EXT1: variants seen among roughly 807,000 people sequenced by gnomAD.
The protein encoded by EXT1 is exostosin glycosyltransferase 1, also known as exostosin-1.
In EXT1, 20 loss-of-function variants were observed where a neutral mutation model predicts 82.5. That is an observed-to-expected ratio of 0.24 (90% CI 0.17 to 0.35). The LOEUF is 0.35. Ranked by LOEUF, EXT1 falls within the 10% of genes least tolerant of loss-of-function variation. The pLI, the probability that EXT1 is intolerant of heterozygous loss-of-function variation, is 1.00. For synonymous variants in EXT1, 348 were observed against 350.8 expected (o/e 0.99, Z 0.09); for missense variants, 757 against 936.5 (o/e 0.81, Z 2.50).
chr8:117,886,106 T>C (rs905180312), intron 1 of EXT1, among the ~76,000 whole-genome samples: 2 of 152,184 alleles, frequency 1.3e-5, no homozygotes, highest in Non-Finnish European at 2.9e-5. Context: ...ATGAGATGAA[T>C]ATATTTACTA....
intron 1 of EXT1, among the ~76,000 whole-genome samples, chr8:117,917,967 A>G (rs1813785973): frequency 6.6e-6 from 1 of 152,168 alleles, no homozygotes; most frequent in Admixed American, 6.5e-5. Flanking sequence ...GCACACTGTT[A>G]GGCACCTGAC....
chr8:117,944,602 C>G (rs902533123), intron 1 of EXT1, among the ~76,000 whole-genome samples: 9 of 152,150 alleles, frequency 5.9e-5, no homozygotes, highest in African/African-American at 2.2e-4. Flanking sequence ...GCACAGAAGA[C>G]TATGTAGGCA....
At chr8:117,984,121 T>A (rs1198675086) in intron 1 of EXT1, among the ~76,000 whole-genome samples, 1 of 152,200 alleles carries the variant, frequency 6.6e-6, no homozygotes, top group Non-Finnish European at 1.5e-5. Flanking sequence ...CAATGTGGGC[T>A]AGAGATGTGG....
At chr8:117,854,596 GT>G (rs1210513279) in intron 1 of EXT1, among the ~76,000 whole-genome samples, 1 of 152,162 alleles carries the variant, frequency 6.6e-6, no homozygotes, top group Non-Finnish European at 1.5e-5. Flanking sequence ...TATAAAACAT[GT>G]TTATAAAATA....
intron 1 of EXT1, among the ~76,000 whole-genome samples, chr8:117,867,865 C>T (rs1812801471): frequency 6.6e-6 from 1 of 152,144 alleles, no homozygotes; most frequent in African/African-American, 2.4e-5. Context: ...ATGACTGCCT[C>T]ATCTATAAGT....
At chr8:117,964,416 G>T (rs767780305) in intron 1 of EXT1, among the ~76,000 whole-genome samples, 107 of 152,218 alleles carry the variant, frequency 7.0e-4, no homozygotes, top group Non-Finnish European at 7.9e-4. Context: ...CAGTGAAGGA[G>T]TGGGGAGTGA....
chr8:118,103,112 T>C (rs980741841), intron 1 of EXT1, among the ~76,000 whole-genome samples: 3 of 152,088 alleles, frequency 2.0e-5, no homozygotes, highest in African/African-American at 7.2e-5. Flanking sequence ...GAGATCGCCC[T>C]ATTGCACTCC....
intron 1 of EXT1, among the ~76,000 whole-genome samples, chr8:117,933,393 A>C (rs925697759): frequency 6.6e-6 from 1 of 151,974 alleles, no homozygotes; most frequent in Non-Finnish European, 1.5e-5. Context: ...TTACAGGCGC[A>C]CACCATCACG....
At chr8:118,108,681 T>G (rs1817839328) in intron 1 of EXT1, among the ~76,000 whole-genome samples, 1 of 152,196 alleles carries the variant, frequency 6.6e-6, no homozygotes, top group African/African-American at 2.4e-5. Flanking sequence ...TGATACTTTC[T>G]CCTTCACTCT....
intron 1 of EXT1, among the ~76,000 whole-genome samples, chr8:117,941,464 T>C (rs1433947016): frequency 2.0e-5 from 3 of 152,164 alleles, no homozygotes. Context: ...TAAGGCTGGA[T>C]CTAGGGTAGT....
chr8:117,921,369 C>T (rs771972604), intron 1 of EXT1, among the ~76,000 whole-genome samples: 5 of 152,192 alleles, frequency 3.3e-5, no homozygotes, highest in East Asian at 1.9e-4. Flanking sequence ...AATCCTGTCA[C>T]TCATCAAAGA....
At chr8:117,823,893 T>C (rs1449476395) in intron 4 of EXT1, among the ~76,000 whole-genome samples, 1 of 152,160 alleles carries the variant, frequency 6.6e-6, no homozygotes, top group Non-Finnish European at 1.5e-5. Flanking sequence ...CTAGTGAAAA[T>C]ATTTATTTTT....
intron 1 of EXT1, among the ~76,000 whole-genome samples, chr8:118,102,747 CTT>C (rs1817741898): frequency 6.6e-6 from 1 of 152,174 alleles, no homozygotes; most frequent in Non-Finnish European, 1.5e-5. Context: ...GTGGCTAACA[CTT>C]ATAATAGAAT....
At chr8:118,032,508 CTT>C (rs1207517029) in intron 1 of EXT1, among the ~76,000 whole-genome samples, 34 of 133,068 alleles carry the variant, frequency 2.6e-4, no homozygotes, top group Admixed American at 4.6e-4. Context: ...AGGGTAACAA[CTT>C]TTTTTTTTTT....
chr8:118,015,061 C>T (rs539759915), intron 1 of EXT1, among the ~76,000 whole-genome samples: 1 of 152,312 alleles, frequency 6.6e-6, no homozygotes, highest in South Asian at 2.1e-4. Flanking sequence ...TTTTACATAA[C>T]TCTTGAAGTT....
intron 1 of EXT1, among the ~76,000 whole-genome samples, chr8:117,906,893 T>C (rs1813553300): frequency 6.6e-6 from 1 of 152,138 alleles, no homozygotes; most frequent in Non-Finnish European, 1.5e-5. Context: ...CCATCCAATA[T>C]TGCTTGACTA....
intron 1 of EXT1, among the ~76,000 whole-genome samples, chr8:118,089,553 G>T (rs1817485751): frequency 6.6e-6 from 1 of 152,156 alleles, no homozygotes; most frequent in African/African-American, 2.4e-5. Flanking sequence ...TATTCAAGGT[G>T]GTTATGGGAA....
At chr8:117,962,078 T>C (rs1182004259) in intron 1 of EXT1, among the ~76,000 whole-genome samples, 1 of 152,104 alleles carries the variant, frequency 6.6e-6, no homozygotes, top group African/African-American at 2.4e-5. Context: ...GATTTGTGCA[T>C]TTAAACAATG....
At chr8:117,931,173 A>G (rs149859766) in intron 1 of EXT1, among the ~76,000 whole-genome samples, 209 of 152,300 alleles carry the variant, frequency 1.4e-3, no homozygotes, top group African/African-American at 4.7e-3. Context: ...TTGGAAAGCC[A>G]TTCTTTATTC....
Sources: gnomAD v4.1 joint callset for allele counts (sites outside exome capture counted in the v4.1 genomes callset) on GRCh38, gnomAD v4.1.1 for gene constraint, MANE v1.5 for transcripts, NCBI Gene and HGNC (gene_info 2026-07-23, HGNC 2026-07-21) for gene names.